SGCZ: variants seen among roughly 807,000 people sequenced by gnomAD.
SGCZ encodes zeta-sarcoglycan.
A neutral mutation model predicts 41.3 loss-of-function variants in SGCZ; 40 were observed. That is an observed-to-expected ratio of 0.97 (90% CI 0.75 to 1.26). The LOEUF is 1.26. Ranked by LOEUF, SGCZ falls within the 50% of genes most tolerant of loss-of-function variation. SGCZ has a pLI of 0.00. For synonymous variants in SGCZ, 206 were observed against 137.5 expected (o/e 1.50, Z -3.49); for missense variants, 552 against 369.8 (o/e 1.49, Z -4.04).
intron 1 of SGCZ, among the ~76,000 whole-genome samples, chr8:14,588,108 T>C (rs1333887597): frequency 1.3e-5 from 2 of 151,988 alleles, no homozygotes; most frequent in African/African-American, 4.8e-5. Context: ...TCAGACTGTT[T>C]CAGGTATATT....
intron 4 of SGCZ, among the ~76,000 whole-genome samples, chr8:14,174,172 A>G (rs1357197013): frequency 6.6e-6 from 1 of 152,154 alleles, no homozygotes; most frequent in Non-Finnish European, 1.5e-5. Context: ...GGAATAGTTA[A>G]TACAATCTTT....
At chr8:14,157,930 C>G (rs1684663021) in intron 5 of SGCZ, among the ~76,000 whole-genome samples, 1 of 152,058 alleles carries the variant, frequency 6.6e-6, no homozygotes, top group Non-Finnish European at 1.5e-5. Flanking sequence ...GCCTGTAATC[C>G]CAGAACTTTG....
intron 3 of SGCZ, among the ~76,000 whole-genome samples, chr8:14,253,001 T>C (rs1004456680): frequency 6.6e-6 from 1 of 152,172 alleles, no homozygotes; most frequent in Non-Finnish European, 1.5e-5. Flanking sequence ...CCTGTGAATT[T>C]ACTGGATGCG....
chr8:14,921,483 A>G (rs954736323), intron 1 of SGCZ, among the ~76,000 whole-genome samples: 1 of 152,164 alleles, frequency 6.6e-6, no homozygotes, highest in Non-Finnish European at 1.5e-5. Flanking sequence ...TGCTTAGTTA[A>G]TAAATATTCA....
chr8:14,461,760 C>T (rs1800908250), intron 2 of SGCZ, among the ~76,000 whole-genome samples: 1 of 152,024 alleles, frequency 6.6e-6, no homozygotes, highest in South Asian at 2.1e-4. Flanking sequence ...CTTTTTAGGC[C>T]ATTATAAAAA....
At chr8:14,594,508 A>T (rs2117294233) in intron 1 of SGCZ, among the ~76,000 whole-genome samples, 1 of 150,394 alleles carries the variant, frequency 6.6e-6, no homozygotes, top group South Asian at 2.1e-4. Flanking sequence ...TCAAACAAGA[A>T]AATATAATTC....
intron 3 of SGCZ, among the ~76,000 whole-genome samples, chr8:14,306,403 TA>T (rs1187493403): frequency 5.9e-5 from 9 of 152,204 alleles, no homozygotes; most frequent in African/African-American, 2.2e-4. Flanking sequence ...AATTTCACAT[TA>T]TTCCAAATAA....
At chr8:14,250,478 G>A (rs12542082) in intron 3 of SGCZ, among the ~76,000 whole-genome samples, 32,897 of 151,820 alleles carry the variant, frequency 0.22, 4,463 homozygotes, top group South Asian at 0.42. Flanking sequence ...AGCAGAATGT[G>A]GGCAGAAGTG....
At chr8:14,431,322 G>T (rs1014864815) in intron 2 of SGCZ, among the ~76,000 whole-genome samples, 1 of 152,140 alleles carries the variant, frequency 6.6e-6, no homozygotes, top group Non-Finnish European at 1.5e-5. Flanking sequence ...GAATAGCATG[G>T]TACCAGTATA....
chr8:14,762,278 G>A (rs140201127), intron 1 of SGCZ, among the ~76,000 whole-genome samples: 1 of 152,208 alleles, frequency 6.6e-6, no homozygotes, highest in African/African-American at 2.4e-5. Flanking sequence ...AATCTCCATG[G>A]ACCTCAAAAC....
chr8:14,906,339 A>G (rs1410164926), intron 1 of SGCZ, among the ~76,000 whole-genome samples: 1 of 152,144 alleles, frequency 6.6e-6, no homozygotes, highest in Non-Finnish European at 1.5e-5. Context: ...ACTCTTAAAA[A>G]GAGATTATGT....
intron 5 of SGCZ, among the ~76,000 whole-genome samples, chr8:14,147,386 A>C (rs111625008): frequency 5.3e-4 from 81 of 152,300 alleles, no homozygotes; most frequent in African/African-American, 1.9e-3. Context: ...TTCCATGCCA[A>C]TAAAAACCAA....
intron 2 of SGCZ, among the ~76,000 whole-genome samples, chr8:14,434,788 G>C (rs1256088818): frequency 6.6e-6 from 1 of 151,932 alleles, no homozygotes; most frequent in African/African-American, 2.4e-5. Flanking sequence ...AGTTAGCTAG[G>C]CACGGTAACG....
At chr8:15,081,507 T>TTC (rs1305994528) in intron 1 of SGCZ, among the ~76,000 whole-genome samples, 1 of 151,020 alleles carries the variant, frequency 6.6e-6, no homozygotes, top group Non-Finnish European at 1.5e-5. Flanking sequence ...TTTTTTTTTT[T>TTC]ACCCTCAATA....
At chr8:14,180,301 G>A (rs906027326) in intron 4 of SGCZ, among the ~76,000 whole-genome samples, 26 of 152,128 alleles carry the variant, frequency 1.7e-4, no homozygotes, top group Admixed American at 3.3e-4. Context: ...CTATAACAAA[G>A]GAGTGTCCTG....
At chr8:14,516,209 T>C (rs745465811) in intron 2 of SGCZ, among the ~76,000 whole-genome samples, 2 of 151,998 alleles carry the variant, frequency 1.3e-5, no homozygotes, top group African/African-American at 2.4e-5. Flanking sequence ...AAACTCATGG[T>C]AATCAGGTTT....
chr8:14,156,014 T>C (rs969382950), intron 5 of SGCZ, among the ~76,000 whole-genome samples: 4 of 152,072 alleles, frequency 2.6e-5, no homozygotes, highest in African/African-American at 9.7e-5. Flanking sequence ...TAAATAATGG[T>C]ACACCCCTAT....
At chr8:14,857,078 T>G (rs767253604) in intron 1 of SGCZ, among the ~76,000 whole-genome samples, 6 of 152,128 alleles carry the variant, frequency 3.9e-5, no homozygotes, top group African/African-American at 1.4e-4. Flanking sequence ...TAGTACTGTA[T>G]AGTCAGTGAG....
chr8:14,419,730 G>C lies in SGCZ; in HGVS notation c.235-95526C>G, dbSNP rs2117301835. Among the ~76,000 whole-genome samples, 3 of 151,938 alleles carry C rather than the reference G, an allele frequency of 2.0e-5. No individual in the cohort carries two copies. The Middle Eastern group carries it at 0.01, about 517-fold the overall frequency. On this transcript the variant is annotated intron_variant, in intron 2 of 7. Transcript: ENST00000382080. Reference sequence around the variant, plus strand: ...TTTTAAATTAAAATAAACTAAACTTGCTTTTGAGTAATGGTGTGCCCAATT... The same window carrying C: ...TTTTAAATTAAAATAAACTAAACTTCCTTTTGAGTAATGGTGTGCCCAATT...
Sources: gnomAD v4.1 joint callset for allele counts (sites outside exome capture counted in the v4.1 genomes callset) on GRCh38, gnomAD v4.1.1 for gene constraint, MANE v1.5 for transcripts, NCBI Gene and HGNC (gene_info 2026-07-23, HGNC 2026-07-21) for gene names.